TUBGCP2: variants seen among roughly 807,000 people sequenced by gnomAD.
TUBGCP2 encodes gamma-tubulin complex component 2.
Under a neutral mutation model 92.2 loss-of-function variants are expected in TUBGCP2, and 55 were observed. The ratio of observed to expected loss-of-function variants is 0.60; its 90% confidence interval spans 0.48 to 0.75. TUBGCP2 has a LOEUF of 0.75. TUBGCP2 is among the 30% of genes least tolerant of loss of function. The pLI, the probability that TUBGCP2 is intolerant of heterozygous loss-of-function variation, is 0.00. For missense variants in TUBGCP2, 1,093 were observed against 1,188.9 expected (o/e 0.92, Z 1.19); for synonymous variants, 533 against 505.2 (o/e 1.06, Z -0.74).
In TUBGCP2 at chr10:133,279,686, G is replaced by A; in HGVS notation, c.*80C>T. 1 of 1,460,282 alleles carries A rather than the reference G, an allele frequency of 6.8e-7. No individual in the cohort carries two copies. Among genetic ancestry groups the A allele is most frequent in the African/African-American group, 1.4e-5 (1 of 69,208 alleles). 90.5% of individuals were successfully genotyped at this position (1,460,282 alleles called of 1,614,324 possible). On this transcript the variant is annotated 3_prime_UTR_variant, in exon 18 of 18. Transcript: ENST00000252936. ...TTAAACTGCAAAGACAGAACACAGA[G>A]CATTCGATTTGAAAATTCTGGACCC...
rs114130862 is a variant in TUBGCP2, at chr10:133,285,980, T to C, written c.1723-352A>G. Among the ~76,000 whole-genome samples the C allele has an allele frequency of 4.6e-3, 703 of 152,084 alleles. 6 individuals carry two copies. The highest frequency in any genetic ancestry group is 0.016 in the African/African-American group (670 of 41,460). On this transcript the variant is annotated intron_variant, in intron 11 of 17. Transcript: ENST00000252936. This position sits in a 1 kb window ranked among gnomAD's most constrained non-coding sequence, Gnocchi z 6.8. ...TAAGCACCAGGCCCAGGTTGAAAAATGAAGCATATTTGACGAGGGACATAA... is the reference window on the plus strand; with the variant it reads ...TAAGCACCAGGCCCAGGTTGAAAAACGAAGCATATTTGACGAGGGACATAA...
chr10:133,310,587 A>G (rs528146505), upstream of TUBGCP2: 19 of 414,186 alleles, frequency 4.6e-5, no homozygotes, highest in African/African-American at 3.8e-4. Flanking sequence ...CCTCTGGGCC[A>G]TGCCTGTACC....
At chr10:133,280,385 G>T (rs1846936525) in intron 17 of TUBGCP2, among the ~76,000 whole-genome samples, 1 of 152,138 alleles carries the variant, frequency 6.6e-6, no homozygotes, top group African/African-American at 2.4e-5. Context: ...GAACATTTGT[G>T]GGGGGCACAG....
At chr10:133,307,765 G>C (rs778630326) in intron 1 of TUBGCP2, among the ~76,000 whole-genome samples, 2 of 152,040 alleles carry the variant, frequency 1.3e-5, no homozygotes, top group Non-Finnish European at 2.9e-5. Context: ...AAAGAGAAAC[G>C]TATGGTTACA....
chr10:133,300,155 T>A (rs747318173), intron 2 of TUBGCP2, 42 bp from the exon 3 acceptor site: 2 of 1,582,714 alleles, frequency 1.3e-6, no homozygotes, highest in Non-Finnish European at 1.7e-6. Context: ...CGGTAATTAA[T>A]AAAGCACTGT....
At chr10:133,301,409 G>A (rs1307446534) in intron 2 of TUBGCP2, among the ~76,000 whole-genome samples, 16 of 152,166 alleles carry the variant, frequency 1.1e-4, no homozygotes, top group Admixed American at 1.0e-3. Flanking sequence ...ACAGGTGTGA[G>A]CGACCGTGCC....
Position 133,280,684 on chromosome 10 carries a change from C to A in TUBGCP2, c.2573+589G>T, listed in dbSNP as rs552332187. ...ACCAGCACTAGCACCAGGACACAGACCTGCCCCACCTTCTGAAGGAGGCTA... is the reference window on the plus strand; with the variant it reads ...ACCAGCACTAGCACCAGGACACAGAACTGCCCCACCTTCTGAAGGAGGCTA... On this transcript the variant is annotated intron_variant, in intron 17 of 17. Transcript: ENST00000252936. Among the ~76,000 whole-genome samples, 11 of 152,356 alleles carry A rather than the reference C, an allele frequency of 7.2e-5. No homozygotes were observed. In the East Asian group the frequency reaches 2.1e-3, roughly 29 times the overall value.
chr10:133,283,762 CAT>C (rs1272451870), intron 14 of TUBGCP2, 118 bp downstream of exon 14: 4 of 1,475,768 alleles, frequency 2.7e-6, no homozygotes, highest in East Asian at 4.7e-5. Flanking sequence ...CGTCTCCCTG[CAT>C]TCCCTGCCTC....
At chr10:133,310,227 A>C, upstream of TUBGCP2, 1 of 1,614,076 alleles carries the variant, frequency 6.2e-7, no homozygotes, top group Non-Finnish European at 8.5e-7. Flanking sequence ...GAAGGATCAC[A>C]TGGTGAGGAT....
intron 5 of TUBGCP2, chr10:133,295,929 G>C (rs368473276): frequency 6.6e-6 from 1 of 152,558 alleles, no homozygotes; most frequent in Admixed American, 6.5e-5. Context: ...GGTGGCACAA[G>C]GGGACAGGGA....
Position 133,292,623 on chromosome 10 carries a change from A to G in TUBGCP2, c.1090T>C (p.Phe364Leu). Residue 364 changes from phenylalanine (F) to leucine (L), a missense_variant, in exon 8 of 18, where the codon TTC becomes CTC. Phe to Leu is a conservative substitution (Grantham distance 22). This residue lies in a region of TUBGCP2 where 490 missense variants were observed against 488.5 expected (regional missense o/e 1.00). Transcript: ENST00000252936. The part of the protein sequence containing the change: ...STLSLLHDRS[F>L]SYTGDSQAQE... ...GCCTGGCTGTCCCCTGTGTAGCTGA[A>G]GCTCCTGTCGTGGAGCAGGCTCAGC... The G allele has an allele frequency of 1.2e-6, 2 of 1,614,128 alleles. No homozygotes were observed.
In TUBGCP2 at chr10:133,297,943, A is replaced by G. The variant is rs770733062; in HGVS notation, c.616+9T>C. On this transcript the variant is annotated intron_variant, in intron 5 of 17. Coordinates refer to ENST00000252936, the MANE Select transcript of TUBGCP2 (RefSeq NM_006659.4). ...ATCGGCAGAGCCCGGAAATCAACGC[A>G]TCACGTACCTATCGGCAAAGCGGTG... is the stretch of plus-strand genomic sequence containing the variant. 7.4e-6 allele frequency: 12 copies of G among 1,612,506 alleles called. No homozygotes were observed. In the African/African-American group the frequency reaches 1.1e-4, roughly 14 times the overall value.
chr10:133,301,049 T>C (rs896937793), intron 2 of TUBGCP2, among the ~76,000 whole-genome samples: 8 of 152,234 alleles, frequency 5.3e-5, no homozygotes, highest in Admixed American at 5.2e-4. Flanking sequence ...TCTCACTGTA[T>C]TCCCCGCAGT....
chr10:133,283,012 C>T, intron 15 of TUBGCP2, 66 bp downstream of exon 15: 1 of 1,592,252 alleles, frequency 6.3e-7, no homozygotes. Flanking sequence ...TGCGTGCGGC[C>T]ACGGTCGGGA....
chr10:133,300,277 T>C, intron 2 of TUBGCP2, 164 bp from the exon 3 acceptor site: 1 of 859,856 alleles, frequency 1.2e-6, no homozygotes, highest in Non-Finnish European at 1.7e-6. Context: ...CATATTGTGT[T>C]AAACTTATCC....
At chr10:133,304,667 C>A (rs149143901) in intron 1 of TUBGCP2, among the ~76,000 whole-genome samples, 4,690 of 152,214 alleles carry the variant, frequency 0.031, 136 homozygotes, top group Non-Finnish European at 0.043. Flanking sequence ...ATATATAAAA[C>A]AACAAGAGTT....
In TUBGCP2 at chr10:133,299,470, C is replaced by T; in HGVS notation, c.413G>A (p.Arg138Lys). 1 of 1,611,680 alleles carries T rather than the reference C, an allele frequency of 6.2e-7. No individual in the cohort carries two copies. Among genetic ancestry groups the T allele is most frequent in the Non-Finnish European group, 8.5e-7 (1 of 1,179,840 alleles). Residue 138 changes from arginine (R) to lysine (K), a missense_variant, in exon 4 of 18, where the codon AGG becomes AAG. Physicochemically the swap from Arg to Lys is conservative, Grantham distance 26. Coordinates refer to ENST00000252936, the MANE Select transcript of TUBGCP2 (RefSeq NM_006659.4). ...KISMQELEEL[R>K]KQLGSVATGS... ...TGTGGCCACGCTGCCAAGCTGCTTCCTCAGTTCCTCAAGCTCCTGCATGGA... is the reference window on the plus strand; with the variant it reads ...TGTGGCCACGCTGCCAAGCTGCTTCTTCAGTTCCTCAAGCTCCTGCATGGA...
intron 5 of TUBGCP2, 108 bp downstream of exon 5, chr10:133,297,844 T>C (rs1847525689): frequency 1.3e-6 from 2 of 1,511,680 alleles, no homozygotes. Context: ...CTGCAAAGTG[T>C]CCTGCCCAGA....
At chr10:133,292,095 G>A (rs75701604) in intron 8 of TUBGCP2, among the ~76,000 whole-genome samples, 2 of 9,992 alleles carry the variant, frequency 2.0e-4, no homozygotes, top group African/African-American at 9.7e-4. Context: ...GTGTCCCTCC[G>A]TGTCCCTCCG....
Sources: allele counts gnomAD v4.1 joint callset (sites outside exome capture counted in the v4.1 genomes callset), GRCh38; gene constraint gnomAD v4.1.1; regional missense constraint gnomAD v4.1.1; non-coding constraint Gnocchi (gnomAD v3.1); transcripts MANE v1.5; gene names NCBI Gene and HGNC (gene_info 2026-07-23, HGNC 2026-07-21).